The following SNED1 variants were observed in gnomAD, a reference collection of about 807,000 sequenced individuals.
SNED1 encodes the protein sushi, nidogen and EGF-like domain-containing protein 1.
Under a neutral mutation model 166.7 loss-of-function variants are expected in SNED1, and 81 were observed. The observed-to-expected ratio is 0.49, with a 90% CI of 0.41 to 0.58. The LOEUF (loss-of-function observed/expected upper bound fraction) is 0.58. SNED1 is among the 20% of genes least tolerant of loss of function. The pLI, the probability that SNED1 is intolerant of heterozygous loss-of-function variation, is 0.00. For missense variants in SNED1, 1,604 were observed against 2,000.2 expected (o/e 0.80, Z 3.78); for synonymous variants, 762 against 822.0 (o/e 0.93, Z 1.25).
At chr2:241,025,531 AT>A (rs1171706053) in intron 1 of SNED1, among the ~76,000 whole-genome samples, 2 of 152,164 alleles carry the variant, frequency 1.3e-5, no homozygotes, top group African/African-American at 4.8e-5. Context: ...AATTCTATAG[AT>A]TTTTTACACC....
Position 241,048,391 on chromosome 2 carries a change from C to T in SNED1, c.1350C>T (p.Gly450=). ...NGGTCVDADQ[G]YVCECPEGFM... Reference sequence around the variant, plus strand: ...GCACCTGTGTGGATGCGGACCAGGGCTACGTGTGCGAGTGCCCCGAAGGCT... The same window carrying T: ...GCACCTGTGTGGATGCGGACCAGGGTTACGTGTGCGAGTGCCCCGAAGGCT... The change falls in exon 9 of 32, where the codon GGC becomes GGT. Residue 450 remains glycine (G), a synonymous_variant. Transcript: ENST00000310397. 3 of 1,611,954 alleles carry T rather than the reference C, an allele frequency of 1.9e-6. No homozygotes were observed. Among genetic ancestry groups the T allele is most frequent in the Non-Finnish European group, 2.5e-6 (3 of 1,179,172 alleles).
chr2:241,023,026 C>T (rs2060816165), intron 1 of SNED1, among the ~76,000 whole-genome samples: 1 of 151,988 alleles, frequency 6.6e-6, no homozygotes, highest in Admixed American at 6.6e-5. Context: ...TGATGATTCA[C>T]TTTATTCAGT....
chr2:241,046,156 C>T (rs1327250296), intron 8 of SNED1, among the ~76,000 whole-genome samples: 1 of 152,154 alleles, frequency 6.6e-6, no homozygotes, highest in Non-Finnish European at 1.5e-5. Context: ...AAAAATAATA[C>T]TGACCTGGTG....
At chr2:241,060,347 T>C (rs866905624) in intron 16 of SNED1, among the ~76,000 whole-genome samples, 25 of 152,300 alleles carry the variant, frequency 1.6e-4, no homozygotes, top group Middle Eastern at 3.4e-3. Context: ...CATACCCAGC[T>C]AATTTTTGTA....
At position 241,051,282 on chromosome 2, in the gene SNED1, G is replaced by A. The variant is rs79758649; in HGVS notation, c.1736-462G>A. ...CTGAGCTCCTCGGGTTCCAGGAACT[G>A]TTAGGACCCAGGGAAAATGTGGCAA... On this transcript the variant is annotated intron_variant, in intron 12 of 31. Coordinates refer to ENST00000310397, the MANE Select transcript of SNED1 (RefSeq NM_001080437.3). This position sits in a 1 kb window ranked among gnomAD's most constrained non-coding sequence, Gnocchi z 4.7. 4,043 of 156,494 alleles carry A rather than the reference G, an allele frequency of 0.026. 348 individuals carry two copies. The highest frequency in any genetic ancestry group is 0.21 in the East Asian group (1,118 of 5,304). 9.7% of individuals were successfully genotyped at this position (156,494 alleles called of 1,614,324 possible).
rs1223362725 is a variant in SNED1, at chr2:240,999,201, G to A, written c.213+151G>A. 6.7e-6 allele frequency among the ~76,000 whole-genome samples: 1 copy of A among 150,094 alleles called. No individual in the cohort carries two copies. Among genetic ancestry groups the A allele is most frequent in the African/African-American group, 2.4e-5 (1 of 41,182 alleles). On this transcript the variant is annotated intron_variant, in intron 1 of 31. Transcript: ENST00000310397. This position sits in a 1 kb window ranked among gnomAD's most constrained non-coding sequence, Gnocchi z 5.8. ...ATGAGGACAGCGCTTCCTCCTCGGC[G>A]GCCAAGGCCGGACAGCGGCCCGCGG...
chr2:241,002,009 C>T (rs2060091230), intron 1 of SNED1, among the ~76,000 whole-genome samples: 1 of 152,292 alleles, frequency 6.6e-6, no homozygotes, highest in South Asian at 2.1e-4. Flanking sequence ...TGGCTCTGCA[C>T]AACATTACCA....
chr2:241,039,950 C>T, intron 6 of SNED1, 125 bp from the exon 7 acceptor site: 6 of 755,856 alleles, frequency 7.9e-6, no homozygotes, highest in South Asian at 3.5e-5. Context: ...AGAAACCTGC[C>T]TGCCAGGCCC....
At chr2:241,052,561 A>G (rs981107233) in intron 15 of SNED1, 93 bp downstream of exon 15, 59 of 948,282 alleles carry the variant, frequency 6.2e-5, no homozygotes, top group African/African-American at 5.6e-4. Context: ...ATGGGATACC[A>G]GTGCCAGGCA....
intron 1 of SNED1, among the ~76,000 whole-genome samples, chr2:241,023,978 C>T (rs1285163981): frequency 2.0e-5 from 3 of 148,520 alleles, no homozygotes; most frequent in Admixed American, 6.7e-5. Context: ...CTCCACCCCC[C>T]GGGTTCAGGC....
intron 12 of SNED1, among the ~76,000 whole-genome samples, chr2:241,050,313 T>C (rs2061798356): frequency 6.6e-6 from 1 of 152,240 alleles, no homozygotes; most frequent in African/African-American, 2.4e-5. Context: ...CGCTTGAGAA[T>C]AGAAGTGTCC....
chr2:241,073,414 G>A lies in SNED1; in HGVS notation c.3916+50G>A. 6.8e-7 allele frequency: 1 copy of A among 1,465,776 alleles called. No individual in the cohort carries two copies. The highest frequency in any genetic ancestry group is 1.2e-5 in the South Asian group (1 of 82,364). 90.8% of individuals were successfully genotyped at this position (1,465,776 alleles called of 1,614,324 possible). A position where few individuals can be genotyped will look rare whatever the true frequency, so the allele number is the denominator to read the frequency against. ...CTTTGGGACTGACTGACTGCTCTCA[G>A]GGGCCTTAGAGGCTGCAGGCAGGAG... is the stretch of plus-strand genomic sequence containing the variant. On this transcript the variant is annotated intron_variant, in intron 27 of 31. Coordinates refer to ENST00000310397, the MANE Select transcript of SNED1 (RefSeq NM_001080437.3). The surrounding 1 kb of genome is among the most constrained non-coding windows in gnomAD (Gnocchi z 6.6).
chr2:241,013,297 T>C lies in SNED1; in HGVS notation c.213+14247T>C, dbSNP rs1487852991. ...ACTCTCTGCTTCTATGAACTCAACT[T>C]AATTTTCATTTTATTTATTTTATTT... On this transcript the variant is annotated intron_variant, in intron 1 of 31. Coordinates refer to ENST00000310397, the MANE Select transcript of SNED1 (RefSeq NM_001080437.3). This position sits in a 1 kb window ranked among gnomAD's most constrained non-coding sequence, Gnocchi z 4.6. Among the ~76,000 whole-genome samples the C allele has an allele frequency of 6.6e-6, 1 of 152,042 alleles. No homozygotes were observed. The highest frequency in any genetic ancestry group is 1.9e-4 in the East Asian group (1 of 5,182).
At chr2:241,021,332 G>A (rs4676003) in intron 1 of SNED1, among the ~76,000 whole-genome samples, 98,523 of 152,108 alleles carry the variant, frequency 0.65, 32,867 homozygotes, top group African/African-American at 0.82. Flanking sequence ...TAAAGTATAC[G>A]AATTAGTAGC....
At chr2:241,010,008 A>G (rs1174465949) in intron 1 of SNED1, 1 of 152,334 alleles carries the variant, frequency 6.6e-6, no homozygotes, top group Admixed American at 6.5e-5. Flanking sequence ...AGGAATCCTA[A>G]TTGCCCAGAA....
At chr2:241,061,148 G>A (rs2062217688) in intron 16 of SNED1, among the ~76,000 whole-genome samples, 2 of 151,726 alleles carry the variant, frequency 1.3e-5, no homozygotes, top group African/African-American at 2.4e-5. Flanking sequence ...ATAGTCTCAA[G>A]ACTACATGAA....
intron 8 of SNED1, among the ~76,000 whole-genome samples, chr2:241,045,731 A>G (rs1226263780): frequency 6.6e-6 from 1 of 150,982 alleles, no homozygotes; most frequent in Non-Finnish European, 1.5e-5. Context: ...AAAAAAATTT[A>G]TGACCTGGTC....
chr2:241,065,986 G>A (rs1374416482), intron 21 of SNED1, among the ~76,000 whole-genome samples: 2 of 152,138 alleles, frequency 1.3e-5, no homozygotes, highest in African/African-American at 2.4e-5. Context: ...TGCTCTGAAG[G>A]CCTGGGGAGA....
At chr2:241,028,875 A>G (rs557614326) in intron 1 of SNED1, among the ~76,000 whole-genome samples, 24 of 152,180 alleles carry the variant, frequency 1.6e-4, no homozygotes, top group African/African-American at 4.3e-4. Context: ...TCTTGGTGGT[A>G]TCATGCTTCC....
Sources: allele counts gnomAD v4.1 joint callset (sites outside exome capture counted in the v4.1 genomes callset), GRCh38; gene constraint gnomAD v4.1.1; non-coding constraint Gnocchi (gnomAD v3.1); transcripts MANE v1.5; gene names NCBI Gene and HGNC (gene_info 2026-07-23, HGNC 2026-07-21).